PORCN: variants seen among roughly 807,000 people sequenced by gnomAD.
The protein encoded by PORCN is porcupine O-acyltransferase.
Under a neutral mutation model 43.0 loss-of-function variants are expected in PORCN, and 1 was observed. The ratio of observed to expected loss-of-function variants is 0.02; its 90% CI spans 0.01 to 0.11. PORCN has a LOEUF of 0.11. Ranked by LOEUF, PORCN falls within the 10% of genes least tolerant of loss-of-function variation. The probability of loss-of-function intolerance (pLI) is 1.00; values close to 1 mark genes in which losing one functional copy is unlikely to be tolerated. For missense variants in PORCN, 240 were observed against 392.1 expected, an observed-to-expected ratio of 0.61 and a Z score of 3.28; for synonymous variants, 148 against 166.4, an observed-to-expected ratio of 0.89 and a Z score of 0.85.
intron 1 of PORCN, chrX:48,509,516 G>A: frequency 9.7e-7 from 1 of 1,032,844 alleles, no homozygotes; most frequent in Non-Finnish European, 1.3e-6. Flanking sequence ...CATCACCATC[G>A]GACTGGACTG....
Position 48,517,272 on chromosome X carries a change from G to A in PORCN, c.1263G>A (p.Val421=), listed in dbSNP as rs1556975618. Residue 421 remains valine (V), a synonymous_variant, in exon 14 of 15, where the codon GTG becomes GTA. Coordinates refer to ENST00000326194, the MANE Select transcript of PORCN (RefSeq NM_203475.3). ...TGGGCTCCCTGTTTGATGTCGATGT[G>A]GATGACACCACAGAGGAGCAGGTGA... ...AYLGSLFDVD[V]DDTTEEQGYG... 1.7e-6 allele frequency: 2 copies of A among 1,162,417 alleles called. No individual in the cohort carries two copies. The highest frequency in any genetic ancestry group is 3.2e-5 in the East Asian group (1 of 30,997).
chrX:48,514,091 C>T (rs1213908026), intron 7 of PORCN, 36 bp from the exon 8 acceptor site: 1 of 1,208,406 alleles, frequency 8.3e-7, no homozygotes, highest in African/African-American at 1.7e-5. Flanking sequence ...TCTTTTCTTT[C>T]TTCTCTGCTG....
chrX:48,518,077 G>GT (rs1212665422), intron 14 of PORCN, among the ~76,000 whole-genome samples: 1 of 108,318 alleles, frequency 9.2e-6, no homozygotes, highest in African/African-American at 3.4e-5. Flanking sequence ...CCCGGCTAAT[G>GT]TTTTTTTAAT....
chrX:48,520,132 A>G (rs966722277), intron 14 of PORCN, among the ~76,000 whole-genome samples: 17 of 112,397 alleles, frequency 1.5e-4, no homozygotes, highest in African/African-American at 5.2e-4. Flanking sequence ...CAAAAAATTA[A>G]TTTTTAGGAG....
intron 2 of PORCN, 122 bp from the exon 3 acceptor site, chrX:48,511,173 A>C: frequency 3.1e-6 from 2 of 644,891 alleles, no homozygotes; most frequent in Non-Finnish European, 2.4e-6. Context: ...CTACTAGCCC[A>C]CCAACCTTCT....
chrX:48,514,050 T>C, intron 7 of PORCN, 77 bp from the exon 8 acceptor site: 1 of 1,136,812 alleles, frequency 8.8e-7, no homozygotes, highest in Non-Finnish European at 1.2e-6. Context: ...GTCTGAACAA[T>C]TCAGACCAGC....
chrX:48,509,342 C>T lies in PORCN; in HGVS notation c.-38+239C>T, dbSNP rs375166762. 1.4e-4 allele frequency: 40 copies of T among 280,166 alleles called. 1 individual carries two copies. The East Asian group carries it at 4.2e-3, about 30-fold the overall frequency. 23.1% of individuals were successfully genotyped at this position (280,166 alleles called of 1,213,427 possible). On this transcript the variant is annotated intron_variant, in intron 1 of 14. Transcript: ENST00000326194. ...GCGGAGGATACAGGACACCCCCCCT[C>T]CCCGTGCCGCCGCATCCATACAAGG... is the stretch of plus-strand genomic sequence containing the variant.
intron 12 of PORCN, 49 bp downstream of exon 12, chrX:48,516,002 G>GA: frequency 8.3e-7 from 1 of 1,201,725 alleles, no homozygotes; most frequent in East Asian, 3.0e-5. Context: ...TGGTGGGGGG[G>GA]CTGGAGACAG....
chrX:48,512,951 C>T lies in PORCN; in HGVS notation c.704+99C>T, dbSNP rs2061687393. ...TTCTGTGTGTCCAAGTGTGTCTGACCGTCAACTCCATGACTAGACAGAGAC... is the reference window on the plus strand; with the variant it reads ...TTCTGTGTGTCCAAGTGTGTCTGACTGTCAACTCCATGACTAGACAGAGAC... On this transcript the variant is annotated intron_variant, in intron 7 of 14. Coordinates refer to ENST00000326194, the MANE Select transcript of PORCN (RefSeq NM_203475.3). The T allele has an allele frequency of 8.6e-6, 9 of 1,043,202 alleles. No homozygotes were observed. The East Asian group carries it at 9.1e-5, about 11-fold the overall frequency. The allele number at this position is 1,043,202 out of a possible 1,213,427, so 86.0% of individuals were successfully genotyped here.
rs1205607221 is a variant in PORCN, at chrX:48,520,619, C to A, written c.*143C>A. 6 of 494,122 alleles carry A rather than the reference C, an allele frequency of 1.2e-5. No individual in the cohort carries two copies. The highest frequency in any genetic ancestry group is 2.2e-5 in the Non-Finnish European group (6 of 276,360). 40.7% of individuals were successfully genotyped at this position (494,122 alleles called of 1,213,427 possible). ...CTCAACACACACACACACACACACA[C>A]ACAAAATCACACCATTTTCATGCCT... On this transcript the variant is annotated 3_prime_UTR_variant, in exon 15 of 15. Transcript: ENST00000326194.
In PORCN at chrX:48,509,791, C is replaced by A. The variant is rs1556973477; in HGVS notation, c.-30C>A. On this transcript the variant is annotated 5_prime_UTR_variant, in exon 2 of 15. Transcript: ENST00000326194. ...GTGTCCCTGCTTTGACAGATCTATC[C>A]ATCTGGCCATCCATCCGTGGGGGTC... The A allele has an allele frequency of 1.7e-6, 2 of 1,206,666 alleles. No individual in the cohort carries two copies. The highest frequency in any genetic ancestry group is 2.2e-6 in the Non-Finnish European group (2 of 893,246).
At chrX:48,513,208 G>T (rs930111124) in intron 7 of PORCN, among the ~76,000 whole-genome samples, 2 of 112,764 alleles carry the variant, frequency 1.8e-5, no homozygotes, top group Admixed American at 9.3e-5. Flanking sequence ...ACTGACCCCC[G>T]AATGTAAGCC....
rs1556974382 is a variant in PORCN at position 48,513,156 on chromosome X, C to T, written c.704+304C>T. Among the ~76,000 whole-genome samples, 3 of 112,601 alleles carry T rather than the reference C, an allele frequency of 2.7e-5. No homozygotes were observed. The Admixed American group carries it at 2.8e-4, about 11-fold the overall frequency. On this transcript the variant is annotated intron_variant, in intron 7 of 14. Transcript: ENST00000326194. ...TTGGGTGACTTTAACCTGTCAGTGA[C>T]TCTGTCTAGGGATATGTATGATGTA...
chrX:48,517,655 C>CA (rs2061728586), intron 14 of PORCN, among the ~76,000 whole-genome samples: 1 of 111,309 alleles, frequency 9.0e-6, no homozygotes, highest in Admixed American at 9.6e-5. Context: ...CCGTCTCTAC[C>CA]AAAAATATAA....
In PORCN at chrX:48,520,570, C is replaced by G. The variant is rs2061752994; in HGVS notation, c.*94C>G. ...AAGGCCCTCTCTCTACTCCTTGACC[C>G]CCTCCATCCTTGACCCCCAACACCT... On this transcript the variant is annotated 3_prime_UTR_variant, in exon 15 of 15. Coordinates refer to ENST00000326194, the MANE Select transcript of PORCN (RefSeq NM_203475.3). 1.6e-6 allele frequency: 1 copy of G among 616,215 alleles called. No individual in the cohort carries two copies. The highest frequency in any genetic ancestry group is 2.7e-6 in the Non-Finnish European group (1 of 368,528). The allele number at this position is 616,215 out of a possible 1,213,427, so 50.8% of individuals were successfully genotyped here.
chrX:48,510,328 A>G (rs2061665027), intron 2 of PORCN, among the ~76,000 whole-genome samples: 1 of 112,337 alleles, frequency 8.9e-6, no homozygotes. Context: ...ATGGAATCCC[A>G]AAGTACCATG....
chrX:48,515,830 G>T, intron 11 of PORCN, 37 bp downstream of exon 11: 1 of 1,192,360 alleles, frequency 8.4e-7, no homozygotes. Flanking sequence ...TGGAAGCTGG[G>T]TGGGGGCGGG....
chrX:48,516,363 C>A, intron 13 of PORCN: 1 of 460,343 alleles, frequency 2.2e-6, no homozygotes, highest in African/African-American at 2.3e-5. Flanking sequence ...CCCCAGTGAA[C>A]ATCCGTTGAG....
In PORCN at chrX:48,511,048, C is replaced by T. The variant is rs139547857; in HGVS notation, c.137-247C>T. On this transcript the variant is annotated intron_variant, in intron 2 of 14. Coordinates refer to ENST00000326194, the MANE Select transcript of PORCN (RefSeq NM_203475.3). ...ATGTTTCTTTTCTTTAAACCCAGGC[C>T]CTGCCACCCTCTCCAGCTCCCCAAC... 0.01 allele frequency among the ~76,000 whole-genome samples: 1,153 copies of T among 111,854 alleles called. 16 individuals are homozygous for T. Among genetic ancestry groups the T allele is most frequent in the African/African-American group, 0.036 (1,107 of 30,755 alleles).
Sources: allele counts gnomAD v4.1 joint callset (sites outside exome capture counted in the v4.1 genomes callset), GRCh38; gene constraint gnomAD v4.1.1; transcripts MANE v1.5; gene names NCBI Gene and HGNC (gene_info 2026-07-23, HGNC 2026-07-21).